The following PSD3 variants were observed in gnomAD, a reference collection of about 807,000 sequenced individuals.
PSD3 encodes pleckstrin and Sec7 domain containing 3.
A neutral mutation model predicts 105.5 loss-of-function variants in PSD3; 49 were observed. The observed-to-expected ratio is 0.46, with a 90% confidence interval of 0.37 to 0.59. The LOEUF (loss-of-function observed/expected upper bound fraction) is 0.59, where lower values mean the gene tolerates loss of function less well. Ranked by LOEUF, PSD3 falls within the 20% of genes least tolerant of loss-of-function variation. PSD3 has a pLI of 0.00. For missense variants in PSD3, 1,561 were observed against 1,263.8 expected (o/e 1.24, Z -3.57); for synonymous variants, 557 against 457.8 (o/e 1.22, Z -2.77).
rs932445270 is a variant in PSD3, at chr8:18,871,616, G to A, written c.1238+10C>T. On this transcript the variant is annotated intron_variant, in intron 3 of 15. Coordinates refer to ENST00000327040, the MANE Select transcript of PSD3 (RefSeq NM_015310.4). Reference sequence around the variant, plus strand: ...GCATCTGAGACAGCAGGGCTACTATGGGAGCTCACCTTTCCCTGTCTCTCT... The same window carrying A: ...GCATCTGAGACAGCAGGGCTACTATAGGAGCTCACCTTTCCCTGTCTCTCT... 2.5e-6 allele frequency: 4 copies of A among 1,586,542 alleles called. No homozygotes were observed. Among genetic ancestry groups the A allele is most frequent in the African/African-American group, 2.7e-5 (2 of 73,912 alleles).
At chr8:19,001,121 A>G (rs1349413430) in intron 1 of PSD3, among the ~76,000 whole-genome samples, 1 of 151,184 alleles carries the variant, frequency 6.6e-6, no homozygotes, top group African/African-American at 2.4e-5. Flanking sequence ...TTTAGATAAG[A>G]TCTTGCTCTG....
At chr8:18,712,550 C>A (rs12548506) in intron 9 of PSD3, among the ~76,000 whole-genome samples, 2,794 of 152,218 alleles carry the variant, frequency 0.018, 181 homozygotes, top group East Asian at 0.17. Context: ...GACACATACA[C>A]ACATACACCT....
At chr8:18,863,337 G>T (rs975881702) in intron 4 of PSD3, among the ~76,000 whole-genome samples, 2 of 152,136 alleles carry the variant, frequency 1.3e-5, no homozygotes, top group Admixed American at 6.5e-5. Context: ...GTGTATAATT[G>T]TAAGTCTCTA....
intron 1 of PSD3, among the ~76,000 whole-genome samples, chr8:18,959,413 A>T (rs1330920623): frequency 6.6e-6 from 1 of 152,138 alleles, no homozygotes; most frequent in Admixed American, 6.5e-5. Flanking sequence ...AACCCGCTGT[A>T]CACTTTACAG....
intron 12 of PSD3, among the ~76,000 whole-genome samples, chr8:18,583,654 T>C (rs1219968685): frequency 6.6e-6 from 1 of 152,152 alleles, no homozygotes; most frequent in Non-Finnish European, 1.5e-5. Flanking sequence ...TGTTTTTAAG[T>C]GTGGGGTTAG....
chr8:18,792,790 T>G (rs1263526565), intron 8 of PSD3, among the ~76,000 whole-genome samples: 3 of 152,150 alleles, frequency 2.0e-5, no homozygotes, highest in African/African-American at 7.2e-5. Flanking sequence ...GATCTGGAAC[T>G]AGAAATACCA....
chr8:18,772,943 G>C (rs1378336103), intron 8 of PSD3, among the ~76,000 whole-genome samples: 1 of 152,140 alleles, frequency 6.6e-6, no homozygotes, highest in Non-Finnish European at 1.5e-5. Context: ...ACTCCTTATA[G>C]GTATATGATT....
chr8:18,668,831 C>T (rs1563158102), intron 9 of PSD3, among the ~76,000 whole-genome samples: 1 of 152,084 alleles, frequency 6.6e-6, no homozygotes, highest in East Asian at 1.9e-4. Flanking sequence ...AAATGTCTTG[C>T]CTAGAAATCA....
intron 2 of PSD3, among the ~76,000 whole-genome samples, chr8:18,910,823 T>C (rs2129463878): frequency 6.6e-6 from 1 of 151,922 alleles, no homozygotes; most frequent in East Asian, 1.9e-4. Context: ...ACAAAGAAAT[T>C]GTGCCTTCAA....
intron 9 of PSD3, among the ~76,000 whole-genome samples, chr8:18,680,509 A>G (rs1423281742): frequency 6.6e-6 from 1 of 152,200 alleles, no homozygotes; most frequent in Non-Finnish European, 1.5e-5. Flanking sequence ...TGAAGAGCTG[A>G]GCTCAGTCAG....
intron 2 of PSD3, chr8:18,924,679 T>C (rs1475812976): frequency 6.6e-6 from 1 of 152,216 alleles, no homozygotes; most frequent in Non-Finnish European, 1.5e-5. Flanking sequence ...TGAGCTGCCA[T>C]GCTACTTTTT....
chr8:18,868,723 T>C (rs1217316920), intron 3 of PSD3, among the ~76,000 whole-genome samples: 1 of 152,234 alleles, frequency 6.6e-6, no homozygotes, highest in Non-Finnish European at 1.5e-5. Context: ...GGCATTCACT[T>C]TGGCACACAA....
chr8:18,964,116 G>T (rs746408869), intron 1 of PSD3, among the ~76,000 whole-genome samples: 4 of 151,770 alleles, frequency 2.6e-5, no homozygotes, highest in African/African-American at 9.7e-5. Context: ...TGAATAACTC[G>T]GGTTTTTTTT....
At chr8:18,972,128 T>G (rs1270348205) in intron 1 of PSD3, among the ~76,000 whole-genome samples, 1 of 152,238 alleles carries the variant, frequency 6.6e-6, no homozygotes, top group Non-Finnish European at 1.5e-5. Context: ...GCCTATTTCC[T>G]CAATCTATTT....
intron 9 of PSD3, among the ~76,000 whole-genome samples, chr8:18,667,558 C>G (rs1234125727): frequency 6.6e-6 from 1 of 152,226 alleles, no homozygotes; most frequent in Non-Finnish European, 1.5e-5. Context: ...TTTACAATCC[C>G]TTACCTAGAC....
chr8:18,736,942 T>C (rs2129433169), intron 9 of PSD3, among the ~76,000 whole-genome samples: 1 of 152,326 alleles, frequency 6.6e-6, no homozygotes, highest in South Asian at 2.1e-4. Context: ...GCTTTTCAAA[T>C]ATAGAGAGAT....
rs751789606 is a variant in PSD3, at chr8:19,081,437, G to A, written c.324+2769C>T. 5.9e-5 allele frequency among the ~76,000 whole-genome samples: 9 copies of A among 152,318 alleles called. No homozygotes were observed. In the South Asian group the frequency reaches 1.5e-3, roughly 25 times the overall value. On this transcript the variant is annotated intron_variant, in intron 1 of 1. Transcript: ENST00000521475. ...AAGAAGGCAGACAGAGCCCTGGACT[G>A]GGGGTAGACAACTTGAGGGCTGGGC...
intron 1 of PSD3, among the ~76,000 whole-genome samples, chr8:19,043,207 T>C (rs1471740919): frequency 1.3e-5 from 2 of 152,290 alleles, no homozygotes; most frequent in African/African-American, 2.4e-5. Flanking sequence ...GCAAATAGGA[T>C]ATTTGGCCAA....
chr8:18,627,048 A>G (rs1001203288), intron 11 of PSD3, among the ~76,000 whole-genome samples: 1 of 152,114 alleles, frequency 6.6e-6, no homozygotes, highest in Non-Finnish European at 1.5e-5. Context: ...CTGCCCTACT[A>G]TAATAACTTA....
Sources: allele counts gnomAD v4.1 joint callset (sites outside exome capture counted in the v4.1 genomes callset), GRCh38; gene constraint gnomAD v4.1.1; transcripts MANE v1.5; gene names NCBI Gene and HGNC (gene_info 2026-07-23, HGNC 2026-07-21).